EXT1: variants seen among roughly 807,000 people sequenced by gnomAD.
The protein encoded by EXT1 is exostosin-1.
In EXT1, 20 loss-of-function variants were observed where a neutral mutation model predicts 82.5. That is an observed-to-expected ratio of 0.24 (90% CI 0.17 to 0.35). EXT1 has a LOEUF of 0.35. Ranked by LOEUF, EXT1 falls within the 10% of genes least tolerant of loss-of-function variation. EXT1 has a pLI of 1.00. For missense variants in EXT1, 757 were observed against 936.5 expected (o/e 0.81, Z 2.50); for synonymous variants, 348 against 350.8 (o/e 0.99, Z 0.09).
intron 1 of EXT1, among the ~76,000 whole-genome samples, chr8:118,109,626 G>T (rs1817856960): frequency 6.6e-6 from 1 of 152,000 alleles, no homozygotes; most frequent in African/African-American, 2.4e-5. Flanking sequence ...AAACTCCTGG[G>T]AAAGTAGGTA....
intron 1 of EXT1, among the ~76,000 whole-genome samples, chr8:118,043,447 C>T (rs923149125): frequency 2.0e-5 from 3 of 152,214 alleles, no homozygotes; most frequent in Non-Finnish European, 4.4e-5. Context: ...GTTTTCTCCA[C>T]GAAGCTTCCA....
intron 8 of EXT1, among the ~76,000 whole-genome samples, chr8:117,812,119 T>A (rs1018303038): frequency 6.6e-6 from 1 of 152,338 alleles, no homozygotes; most frequent in Admixed American, 6.5e-5. Flanking sequence ...TACGTCTCCA[T>A]GCTTTTTAGT....
chr8:117,866,793 CAAA>C (rs10709657), intron 1 of EXT1, among the ~76,000 whole-genome samples: 2 of 91,840 alleles, frequency 2.2e-5, no homozygotes, highest in Non-Finnish European at 2.1e-5. Context: ...CTGGCCTACC[CAAA>C]AAAAAAAAAA....
chr8:118,042,490 T>C (rs1231371078), intron 1 of EXT1, among the ~76,000 whole-genome samples: 1 of 152,086 alleles, frequency 6.6e-6, no homozygotes, highest in East Asian at 1.9e-4. Flanking sequence ...AGATGGAGTT[T>C]CACCATGTTG....
intron 1 of EXT1, among the ~76,000 whole-genome samples, chr8:117,943,614 G>A (rs1198133963): frequency 1.3e-5 from 2 of 152,188 alleles, no homozygotes; most frequent in African/African-American, 4.8e-5. Context: ...CATGCCTGTG[G>A]TGTACATATC....
rs566196138 is a variant in EXT1, at chr8:117,955,548, T to C, written c.963-118347A>G. Among the ~76,000 whole-genome samples, 87 of 152,248 alleles carry C rather than the reference T, an allele frequency of 5.7e-4. 1 individual carries two copies. Among genetic ancestry groups the C allele is most frequent in the African/African-American group, 2.0e-3 (85 of 41,542 alleles). On this transcript the variant is annotated intron_variant, in intron 1 of 10. Coordinates refer to ENST00000378204, the MANE Select transcript of EXT1 (RefSeq NM_000127.3). The stretch of plus-strand genomic sequence containing the variant: ...AATTACAAGGGTTTTAGCAGTTGGG[T>C]GTCAAGGGGCAGAGACCAAATTTTT...
chr8:117,841,306 G>A (rs1812270550), intron 1 of EXT1, among the ~76,000 whole-genome samples: 2 of 152,104 alleles, frequency 1.3e-5, no homozygotes, highest in Admixed American at 6.6e-5. Flanking sequence ...AGTCACCCTC[G>A]AAAGTGTACA....
At chr8:117,815,122 G>GA in intron 7 of EXT1, among the ~76,000 whole-genome samples, 1 of 152,216 alleles carries the variant, frequency 6.6e-6, no homozygotes, top group South Asian at 2.1e-4. Flanking sequence ...TTCTCAGCCT[G>GA]AAGCAATCCT....
chr8:117,945,117 G>A (rs745703419), intron 1 of EXT1, among the ~76,000 whole-genome samples: 17 of 152,190 alleles, frequency 1.1e-4, no homozygotes, highest in African/African-American at 3.4e-4. Flanking sequence ...AGCCAAGATC[G>A]CGCCACTGCA....
intron 1 of EXT1, among the ~76,000 whole-genome samples, chr8:118,090,809 A>AAAAAAAAAAAAAT (rs1817510346): frequency 7.1e-6 from 1 of 140,704 alleles, no homozygotes; most frequent in Non-Finnish European, 1.6e-5. Flanking sequence ...AAAAAAAAAA[A>AAAAAAAAAAAAAT]GCATGTGCCT....
chr8:117,975,466 G>T (rs2129752218), intron 1 of EXT1, among the ~76,000 whole-genome samples: 1 of 151,482 alleles, frequency 6.6e-6, no homozygotes, highest in Non-Finnish European at 1.5e-5. Context: ...CCCCTACAGT[G>T]CAAAGCCCTC....
chr8:117,898,268 C>A (rs1245153234), intron 1 of EXT1, among the ~76,000 whole-genome samples: 2 of 152,196 alleles, frequency 1.3e-5, no homozygotes, highest in Non-Finnish European at 2.9e-5. Context: ...TATTTCCTTG[C>A]TCTCAGAAGT....
At chr8:117,958,647 G>A (rs1814635539) in intron 1 of EXT1, among the ~76,000 whole-genome samples, 1 of 152,108 alleles carries the variant, frequency 6.6e-6, no homozygotes, top group Non-Finnish European at 1.5e-5. Flanking sequence ...GTGAACTAGA[G>A]TCTAAAAATT....
intron 1 of EXT1, among the ~76,000 whole-genome samples, chr8:117,889,638 G>T (rs968701918): frequency 1.3e-5 from 2 of 152,128 alleles, no homozygotes. Flanking sequence ...CATCAGCATG[G>T]CTATACACAG....
chr8:117,855,031 T>C (rs1417031869), intron 1 of EXT1, among the ~76,000 whole-genome samples: 1 of 152,240 alleles, frequency 6.6e-6, no homozygotes, highest in Non-Finnish European at 1.5e-5. Context: ...AGAACTTATA[T>C]GTATGCTATG....
intron 1 of EXT1, among the ~76,000 whole-genome samples, chr8:117,971,606 T>C (rs1445870909): frequency 6.6e-6 from 1 of 152,234 alleles, no homozygotes; most frequent in Non-Finnish European, 1.5e-5. Context: ...TGATTATTAA[T>C]AATTCAATTA....
chr8:117,910,537 T>G lies in EXT1; in HGVS notation c.963-73336A>C, dbSNP rs542926945. 2.6e-5 allele frequency among the ~76,000 whole-genome samples: 4 copies of G among 152,188 alleles called. No individual in the cohort carries two copies. The South Asian group carries it at 8.3e-4, about 32-fold the overall frequency. ...CTTGGAACTACAGCCTGGGAACAGA[T>G]ACACTGAATTACTGCGACAGCCAGA... On this transcript the variant is annotated intron_variant, in intron 1 of 10. Transcript: ENST00000378204.
intron 1 of EXT1, among the ~76,000 whole-genome samples, chr8:118,096,116 A>T (rs1431853865): frequency 6.6e-6 from 1 of 152,224 alleles, no homozygotes; most frequent in Non-Finnish European, 1.5e-5. Flanking sequence ...AATGTGAGCC[A>T]AAAGTTTTAT....
At chr8:118,021,438 T>G (rs905521122) in intron 1 of EXT1, among the ~76,000 whole-genome samples, 1 of 152,186 alleles carries the variant, frequency 6.6e-6, no homozygotes, top group African/African-American at 2.4e-5. Flanking sequence ...TCAGGGAGGT[T>G]TTGACATTAG....
Sources: gnomAD v4.1 joint callset for allele counts (sites outside exome capture counted in the v4.1 genomes callset) on GRCh38, gnomAD v4.1.1 for gene constraint, MANE v1.5 for transcripts, NCBI Gene and HGNC (gene_info 2026-07-23, HGNC 2026-07-21) for gene names.